NTN1: variants seen among roughly 807,000 people sequenced by gnomAD.
The protein encoded by NTN1 is netrin-1.
Under a neutral mutation model 54.2 loss-of-function variants are expected in NTN1, and 11 were observed. The ratio of observed to expected loss-of-function variants is 0.20; its 90% confidence interval spans 0.13 to 0.34. The LOEUF (loss-of-function observed/expected upper bound fraction) is 0.34. NTN1 is among the 10% of genes least tolerant of loss of function. NTN1 has a pLI of 1.00. For synonymous variants in NTN1, 371 were observed against 382.0 expected (o/e 0.97, Z 0.33); for missense variants, 740 against 893.1 (o/e 0.83, Z 2.18).
At chr17:9,083,666 T>C (rs1180004595) in intron 2 of NTN1, among the ~76,000 whole-genome samples, 1 of 152,150 alleles carries the variant, frequency 6.6e-6, no homozygotes, top group Non-Finnish European at 1.5e-5. Context: ...TGCATCCCCT[T>C]TGCTATCACA....
At chr17:9,047,305 T>C (rs954720977) in intron 2 of NTN1, among the ~76,000 whole-genome samples, 1 of 152,218 alleles carries the variant, frequency 6.6e-6, no homozygotes, top group African/African-American at 2.4e-5. Flanking sequence ...TTACCCACAG[T>C]AGAACTTTTT....
chr17:9,120,241 T>C (rs963225552), intron 2 of NTN1, among the ~76,000 whole-genome samples: 53 of 147,174 alleles, frequency 3.6e-4, no homozygotes, highest in African/African-American at 1.2e-3. Context: ...GCCGAGATCA[T>C]GCCACTGCAC....
chr17:9,015,827 T>G, the NTN1 span, among the ~76,000 whole-genome samples: 3 of 152,098 alleles, frequency 2.0e-5, no homozygotes, highest in Non-Finnish European at 2.9e-5. Context: ...TCCCAGCACT[T>G]TGGGAGGCCA....
At chr17:9,003,192 C>G in the NTN1 span, among the ~76,000 whole-genome samples, 215 of 152,084 alleles carry the variant, frequency 1.4e-3, 6 homozygotes, top group Middle Eastern at 0.01. This position sits in a 1 kb window ranked among gnomAD's most constrained non-coding sequence, Gnocchi z 7.4. Flanking sequence ...GGGGGCGGCC[C>G]GCGGCTGCCC....
chr17:9,226,416 G>GGAGGCGGTCTCGTGGA (rs1905551896), intron 6 of NTN1, among the ~76,000 whole-genome samples: 3 of 145,746 alleles, frequency 2.1e-5, no homozygotes, highest in Admixed American at 1.4e-4. Flanking sequence ...GGGGCCGTGG[G>GGAGGCGGTCTCGTGGA]GAGGCGGTCT....
chr17:9,013,533 A>G, the NTN1 span, among the ~76,000 whole-genome samples: 196 of 152,100 alleles, frequency 1.3e-3, no homozygotes, highest in African/African-American at 4.3e-3. Context: ...TTTTTCTATC[A>G]TCTTCACTGA....
intron 2 of NTN1, among the ~76,000 whole-genome samples, chr17:9,092,319 C>CTTTT (rs148786553): frequency 1.2e-3 from 109 of 91,738 alleles, no homozygotes; most frequent in South Asian, 2.7e-3. Flanking sequence ...CTTTTCTTCT[C>CTTTT]TTTTTTTTTT....
At chr17:9,086,702 C>T (rs1004570833) in intron 2 of NTN1, among the ~76,000 whole-genome samples, 4 of 152,150 alleles carry the variant, frequency 2.6e-5, no homozygotes, top group African/African-American at 9.7e-5. Flanking sequence ...TGCTCACTGT[C>T]ATCAATATCA....
At chr17:9,114,162 A>ATATATATATATATATATATATATAT (rs1180136945) in intron 2 of NTN1, among the ~76,000 whole-genome samples, 10 of 84,222 alleles carry the variant, frequency 1.2e-4, no homozygotes, top group Admixed American at 2.4e-4. Flanking sequence ...AGAAAAAAAA[A>ATATATATATATATATATATATATAT]AAAAATATAT....
chr17:9,125,915 C>T (rs2092245724), intron 2 of NTN1, among the ~76,000 whole-genome samples: 1 of 152,222 alleles, frequency 6.6e-6, no homozygotes, highest in Non-Finnish European at 1.5e-5. Flanking sequence ...ATTTAATCTT[C>T]GCAGTCTTTA....
intron 3 of NTN1, among the ~76,000 whole-genome samples, chr17:9,178,486 C>T (rs1360552695): frequency 6.6e-6 from 1 of 152,252 alleles, no homozygotes; most frequent in African/African-American, 2.4e-5. Flanking sequence ...CCTCATTGGC[C>T]ACTCCTGGGC....
chr17:9,007,645 C>A, the NTN1 span, among the ~76,000 whole-genome samples: 1 of 140,718 alleles, frequency 7.1e-6, no homozygotes, highest in Non-Finnish European at 1.5e-5. Flanking sequence ...TCTTTTCTTT[C>A]TTCCTTCCCT....
intron 2 of NTN1, among the ~76,000 whole-genome samples, chr17:9,133,408 C>T (rs568560049): frequency 5.9e-5 from 9 of 152,344 alleles, no homozygotes; most frequent in South Asian, 2.1e-4. Flanking sequence ...CATCTCTCCT[C>T]CTTGCTCCCA....
rs149166851 is a variant in NTN1 at position 9,182,931 on chromosome 17, C to T, written c.1373C>T (p.Pro458Leu). The change falls in exon 5 of 7, where the codon CCG (proline) becomes CTG (leucine). Residue 458 changes from proline to leucine, a missense_variant. Transcript: ENST00000173229. Reference sequence around the variant, plus strand: ...CCTCACAAAGAGATCCCTGTAGCGCCGCCGACGACTGCAGCCAGCAGCGTG... The same window carrying T: ...CCTCACAAAGAGATCCCTGTAGCGCTGCCGACGACTGCAGCCAGCAGCGTG... ...IAPCIKIPVA[P>L]PTTAASSVEE... 1.8e-4 allele frequency: 292 copies of T among 1,613,970 alleles called. No homozygotes were observed. Among genetic ancestry groups the T allele is most frequent in the African/African-American group, 3.6e-4 (27 of 74,904 alleles).
rs574485302 is a variant in NTN1, at chr17:9,193,842, AAC to A, written c.1411+10874_1411+10875del. Among the ~76,000 whole-genome samples, 545 of 145,974 alleles carry A rather than the reference AAC, an allele frequency of 3.7e-3. 2 individuals are homozygous for A. Among genetic ancestry groups the A allele is most frequent in the Admixed American group, 6.1e-3 (86 of 14,000 alleles). On this transcript the variant is annotated intron_variant, in intron 5 of 6. Transcript: ENST00000173229. ...GAGGCTGAGGCAGGAGAATCACTTG[AAC>A]CTGGAGGTAGAGGTTGCAGTGATCC... is the stretch of plus-strand genomic sequence containing the variant.
chr17:9,145,042 AC>A (rs1215616977), intron 2 of NTN1, among the ~76,000 whole-genome samples: 1 of 151,994 alleles, frequency 6.6e-6, no homozygotes, highest in Non-Finnish European at 1.5e-5. Context: ...ACAGTGCGCC[AC>A]CCCCCGAGGC....
chr17:9,227,333 A>G (rs937462605), intron 6 of NTN1, among the ~76,000 whole-genome samples: 2 of 150,820 alleles, frequency 1.3e-5, no homozygotes, highest in African/African-American at 4.9e-5. Flanking sequence ...TCAAACACAG[A>G]TACACAGACT....
chr17:9,133,899 C>CCT (rs1555570598), intron 2 of NTN1, among the ~76,000 whole-genome samples: 3 of 85,446 alleles, frequency 3.5e-5, no homozygotes, highest in Non-Finnish European at 6.6e-5. Flanking sequence ...TGGGCCTAGC[C>CCT]TTTTTTTTTT....
rs908312360 is a variant in NTN1 at position 9,220,749 on chromosome 17, C to T, written c.1412-419C>T. 7.7e-4 allele frequency among the ~76,000 whole-genome samples: 117 copies of T among 152,082 alleles called. 2 individuals carry two copies. The highest frequency in any genetic ancestry group is 3.1e-4 in the Non-Finnish European group (21 of 68,002). On this transcript the variant is annotated intron_variant, in intron 5 of 6. Transcript: ENST00000173229. Reference sequence around the variant, plus strand: ...GAGGCCTGACCCCAGCCAGAGGCTCCGCACCATGAAAGCCAGCGCCTGACA... The same window carrying T: ...GAGGCCTGACCCCAGCCAGAGGCTCTGCACCATGAAAGCCAGCGCCTGACA...
Sources: gnomAD v4.1 joint callset for allele counts (sites outside exome capture counted in the v4.1 genomes callset) on GRCh38, gnomAD v4.1.1 for gene constraint, Gnocchi (gnomAD v3.1) non-coding constraint, MANE v1.5 for transcripts, NCBI Gene and HGNC (gene_info 2026-07-23, HGNC 2026-07-21) for gene names.